Variants in RP1 observed in about 807,000 individuals in gnomAD.
RP1 encodes RP1 axonemal microtubule associated.
In RP1, 16 loss-of-function variants were observed where a neutral mutation model predicts 14.8. The observed-to-expected ratio is 1.08, with a 90% confidence interval of 0.73 to 1.65. RP1 has a LOEUF of 1.65. Among genes scored for constraint, RP1 ranks in the 40% most tolerant of loss-of-function variants. The pLI, the probability that RP1 is intolerant of heterozygous loss-of-function variation, is 0.00. For missense variants in RP1, 2,631 were observed against 2,535.0 expected (o/e 1.04, Z -0.81); for synonymous variants, 876 against 883.6 (o/e 0.99, Z 0.15).
At chr8:54,747,434 G>A (rs1185457560) in intron 19 of RP1, among the ~76,000 whole-genome samples, 3 of 152,062 alleles carry the variant, frequency 2.0e-5, no homozygotes, top group Non-Finnish European at 4.4e-5. Context: ...TTTTATATTT[G>A]TTCATAGTCC....
chr8:54,568,130 C>T (rs528018788), intron 1 of RP1, among the ~76,000 whole-genome samples: 1 of 152,112 alleles, frequency 6.6e-6, no homozygotes, highest in South Asian at 2.1e-4. Flanking sequence ...CATTCTAGAA[C>T]AAGAAGGAGG....
At chr8:54,704,589 T>C (rs1720017390) in intron 14 of RP1, among the ~76,000 whole-genome samples, 1 of 152,212 alleles carries the variant, frequency 6.6e-6, no homozygotes, top group South Asian at 2.1e-4. Context: ...ATAGTACTGA[T>C]AGACTTGCTT....
At chr8:54,796,160 A>G (rs1810572049) in intron 24 of RP1, among the ~76,000 whole-genome samples, 2 of 152,242 alleles carry the variant, frequency 1.3e-5, no homozygotes, top group Admixed American at 1.3e-4. Flanking sequence ...TAGCTTCTTG[A>G]CCACCTGTGT....
chr8:54,649,858 A>G (rs564862833), intron 4 of RP1, among the ~76,000 whole-genome samples: 2 of 152,340 alleles, frequency 1.3e-5, no homozygotes, highest in Non-Finnish European at 2.9e-5. Flanking sequence ...TTGGTTTACT[A>G]CAACCACAGG....
chr8:54,739,534 A>G (rs1166293885), intron 19 of RP1, among the ~76,000 whole-genome samples: 1 of 152,172 alleles, frequency 6.6e-6, no homozygotes, highest in African/African-American at 2.4e-5. Context: ...ATTTGCAAAG[A>G]TAATCTGTTC....
At chr8:54,863,762 G>T (rs1439146344) in intron 27 of RP1, among the ~76,000 whole-genome samples, 9 of 152,190 alleles carry the variant, frequency 5.9e-5, no homozygotes, top group African/African-American at 1.7e-4. Flanking sequence ...CAGCTACCAT[G>T]CTGTAGTAAC....
At chr8:54,636,694 C>T (rs756383309) in intron 3 of RP1, among the ~76,000 whole-genome samples, 91 of 152,236 alleles carry the variant, frequency 6.0e-4, no homozygotes, top group Admixed American at 2.0e-3. Flanking sequence ...GCTGAGATTA[C>T]GCCACTGTAC....
chr8:54,635,180 T>C (rs1806323708), downstream of RP1, among the ~76,000 whole-genome samples: 2 of 152,220 alleles, frequency 1.3e-5, no homozygotes, highest in Admixed American at 1.3e-4. Context: ...TATGCATAGA[T>C]ATTTCATATA....
intron 1 of RP1, among the ~76,000 whole-genome samples, chr8:54,608,911 C>T (rs1805524004): frequency 1.3e-5 from 2 of 152,136 alleles, no homozygotes; most frequent in African/African-American, 4.8e-5. Context: ...TCTGTAGTCA[C>T]ATGGACAGGA....
chr8:54,629,178 A>C lies in RP1; in HGVS notation c.5296A>C (p.Asn1766His), dbSNP rs147009600. 1,288 of 1,614,168 alleles carry C rather than the reference A, an allele frequency of 8.0e-4. 1 individual carries two copies. The highest frequency in any genetic ancestry group is 9.6e-4 in the Non-Finnish European group (1,134 of 1,179,980). ...MSSENPGMCG[N>H]ADTTSVDTLL... is the part of the protein sequence containing the mutation. ...ATCTGAAAATCCTGGCATGTGTGGC[A>C]ATGCAGACACCACATCAGTGGACAC... The change falls in exon 4 of 4, where the codon AAT becomes CAT. Residue 1766 changes from asparagine to histidine, a missense_variant. Transcript: ENST00000220676.
At chr8:54,731,358 C>T (rs998268135) in intron 17 of RP1, among the ~76,000 whole-genome samples, 2 of 151,810 alleles carry the variant, frequency 1.3e-5, no homozygotes, top group East Asian at 1.9e-4. Context: ...TCAGGGTGAC[C>T]GAGAAGGAGT....
chr8:54,816,927 G>C (rs1811145916), intron 24 of RP1, among the ~76,000 whole-genome samples: 1 of 152,012 alleles, frequency 6.6e-6, no homozygotes, highest in South Asian at 2.1e-4. Context: ...ATGGTAGTGA[G>C]CCCCTCTGCT....
intron 23 of RP1, among the ~76,000 whole-genome samples, chr8:54,780,369 A>G (rs903182485): frequency 9.2e-5 from 14 of 152,208 alleles, no homozygotes; most frequent in Admixed American, 9.2e-4. Flanking sequence ...AGACATATAA[A>G]CTGTGTGGTT....
intron 1 of RP1, among the ~76,000 whole-genome samples, chr8:54,596,995 C>A (rs1236644603): frequency 6.6e-6 from 1 of 152,162 alleles, no homozygotes; most frequent in African/African-American, 2.4e-5. Context: ...CCCTCCAAAT[C>A]ATTTGACATA....
At chr8:54,861,263 C>T (rs1812336350) in intron 27 of RP1, among the ~76,000 whole-genome samples, 1 of 152,186 alleles carries the variant, frequency 6.6e-6, no homozygotes, top group South Asian at 2.1e-4. Context: ...CACAAAGTAT[C>T]CATCCTGAGT....
chr8:54,630,535 C>T lies in RP1; in HGVS notation c.*182C>T, dbSNP rs1585570305. 7.2e-7 allele frequency: 1 copy of T among 1,395,960 alleles called. No homozygotes were observed. The highest frequency in any genetic ancestry group is 9.3e-7 in the Non-Finnish European group (1 of 1,079,198). The allele number at this position is 1,395,960 out of a possible 1,614,324, so 86.5% of individuals were successfully genotyped here. A position where few individuals can be genotyped will look rare whatever the true frequency, so the allele number is the denominator to read the frequency against. On this transcript the variant is annotated 3_prime_UTR_variant, in exon 4 of 4. Transcript: ENST00000220676. ...CATAATGTCTCTGTTTTTTGTTTTT[C>T]CAACAATTACAGACTCAGGTTCTCT...
intron 14 of RP1, among the ~76,000 whole-genome samples, chr8:54,704,842 GTA>G (rs568536687): frequency 1.2e-3 from 178 of 151,740 alleles, no homozygotes; most frequent in African/African-American, 4.2e-3. Context: ...ACTATTACAT[GTA>G]TACACACACA....
chr8:54,725,110 C>G (rs1177468317), intron 16 of RP1, among the ~76,000 whole-genome samples: 1 of 152,162 alleles, frequency 6.6e-6, no homozygotes, highest in Non-Finnish European at 1.5e-5. Flanking sequence ...ATTTCTTATA[C>G]ATTGATTTGT....
At chr8:54,788,783 G>T (rs1180823235) in intron 24 of RP1, among the ~76,000 whole-genome samples, 1 of 152,188 alleles carries the variant, frequency 6.6e-6, no homozygotes, top group African/African-American at 2.4e-5. Context: ...ATATCAGCAA[G>T]ATAATAGAAT....
Sources: gnomAD v4.1 joint callset for allele counts (sites outside exome capture counted in the v4.1 genomes callset) on GRCh38, gnomAD v4.1.1 for gene constraint, MANE v1.5 for transcripts, NCBI Gene and HGNC (gene_info 2026-07-23, HGNC 2026-07-21) for gene names.